Variants in PDE7B observed in about 807,000 individuals in gnomAD.
PDE7B encodes the protein phosphodiesterase 7B, also known as 3',5'-cyclic-AMP phosphodiesterase 7B.
A neutral mutation model predicts 56.2 loss-of-function variants in PDE7B; 29 were observed. That is an observed-to-expected ratio of 0.52 (90% CI 0.38 to 0.70). The LOEUF (loss-of-function observed/expected upper bound fraction) is 0.70, where lower values mean the gene tolerates loss of function less well. PDE7B is among the 30% of genes least tolerant of loss of function. The pLI, the probability that PDE7B is intolerant of heterozygous loss-of-function variation, is 0.00. For missense variants in PDE7B, 490 were observed against 565.0 expected (o/e 0.87, Z 1.35); for synonymous variants, 197 against 196.9 (o/e 1.00, Z 0.00).
intron 2 of PDE7B, among the ~76,000 whole-genome samples, chr6:136,097,444 C>T (rs1478493615): frequency 6.6e-6 from 1 of 151,894 alleles, no homozygotes; most frequent in Non-Finnish European, 1.5e-5. Flanking sequence ...GTTTTACCTC[C>T]TACACATCTC....
chr6:136,038,659 A>C, intron 2 of PDE7B: 1 of 560,876 alleles, frequency 1.8e-6, no homozygotes, highest in Non-Finnish European at 2.7e-6. Context: ...TGACTTCCAA[A>C]TGTCTGCTGT....
intron 2 of PDE7B, among the ~76,000 whole-genome samples, chr6:136,055,885 C>A (rs1281537768): frequency 1.3e-5 from 2 of 152,162 alleles, no homozygotes; most frequent in African/African-American, 2.4e-5. Flanking sequence ...GTACAAAGAA[C>A]AAGCTTCTTT....
intron 1 of PDE7B, among the ~76,000 whole-genome samples, chr6:135,866,783 G>A (rs900786438): frequency 1.3e-5 from 2 of 152,124 alleles, no homozygotes; most frequent in Non-Finnish European, 2.9e-5. Context: ...CATACGTGTC[G>A]TAAACACATA....
At chr6:136,082,502 G>T (rs1380176893) in intron 2 of PDE7B, among the ~76,000 whole-genome samples, 1 of 152,204 alleles carries the variant, frequency 6.6e-6, no homozygotes, top group African/African-American at 2.4e-5. Context: ...AGGCTGTGAT[G>T]TTCAGCTGAG....
chr6:136,083,542 T>C (rs1349188295), intron 2 of PDE7B, among the ~76,000 whole-genome samples: 4 of 152,200 alleles, frequency 2.6e-5, no homozygotes, highest in Admixed American at 6.5e-5. Context: ...TTTTCTCTTT[T>C]CCATATTATT....
intron 8 of PDE7B, among the ~76,000 whole-genome samples, chr6:136,171,019 A>T (rs1289801320): frequency 6.6e-6 from 1 of 152,158 alleles, no homozygotes; most frequent in African/African-American, 2.4e-5. Context: ...CTACTCTTGA[A>T]ACCAAATGGA....
At chr6:136,168,106 C>G (rs975734298) in intron 8 of PDE7B, among the ~76,000 whole-genome samples, 1 of 151,962 alleles carries the variant, frequency 6.6e-6, no homozygotes, top group Non-Finnish European at 1.5e-5. Context: ...TAATAAACCA[C>G]CTTGGAAGGT....
At chr6:135,996,979 A>C (rs993894930) in intron 2 of PDE7B, among the ~76,000 whole-genome samples, 5 of 152,162 alleles carry the variant, frequency 3.3e-5, no homozygotes, top group Admixed American at 1.3e-4. Context: ...GATAAGAAAC[A>C]CTGAGACCAT....
intron 1 of PDE7B, among the ~76,000 whole-genome samples, chr6:135,906,829 T>TTTTTTTTTTTTTTTTTTG (rs1562434158): frequency 7.0e-6 from 1 of 142,604 alleles, no homozygotes; most frequent in African/African-American, 2.8e-5. Flanking sequence ...TTTTTTTTTT[T>TTTTTTTTTTTTTTTTTTG]TTTTTTTAAT....
intron 2 of PDE7B, among the ~76,000 whole-genome samples, chr6:136,053,064 T>A (rs865946478): frequency 2.0e-5 from 3 of 152,200 alleles, no homozygotes; most frequent in African/African-American, 7.2e-5. Flanking sequence ...TCACATTTTT[T>A]TAAAAAAGTT....
intron 1 of PDE7B, among the ~76,000 whole-genome samples, chr6:135,873,935 G>T (rs539234898): frequency 2.6e-5 from 4 of 152,146 alleles, no homozygotes; most frequent in African/African-American, 9.6e-5. Context: ...GTTGTTCTAG[G>T]CACCTGCAGA....
intron 10 of PDE7B, among the ~76,000 whole-genome samples, chr6:136,179,859 T>C (rs1033945303): frequency 4.6e-5 from 7 of 152,226 alleles, no homozygotes; most frequent in Admixed American, 1.3e-4. Context: ...TGAACTGAAT[T>C]GAATTACATT....
At chr6:136,141,521 G>T (rs1446751088) in intron 3 of PDE7B, among the ~76,000 whole-genome samples, 1 of 152,176 alleles carries the variant, frequency 6.6e-6, no homozygotes. Flanking sequence ...CTATTGATTG[G>T]AATAGTTTCA....
intron 1 of PDE7B, among the ~76,000 whole-genome samples, chr6:135,935,497 T>A (rs1177142289): frequency 1.3e-5 from 2 of 152,026 alleles, no homozygotes; most frequent in African/African-American, 4.8e-5. Context: ...TTCAGTGTAT[T>A]TTTGCCCCAG....
intron 1 of PDE7B, among the ~76,000 whole-genome samples, chr6:135,922,666 G>T (rs1774106120): frequency 6.6e-6 from 1 of 152,046 alleles, no homozygotes. Context: ...CTTTACTGAG[G>T]CTGGATATAT....
intron 2 of PDE7B, among the ~76,000 whole-genome samples, chr6:135,962,200 G>A (rs931405482): frequency 2.6e-5 from 4 of 152,116 alleles, no homozygotes; most frequent in Non-Finnish European, 5.9e-5. Context: ...TGGAAAAATC[G>A]ATAGTTTAGT....
intron 2 of PDE7B, among the ~76,000 whole-genome samples, chr6:136,108,448 CATA>C (rs1370834854): frequency 1.6e-4 from 24 of 152,070 alleles, no homozygotes; most frequent in African/African-American, 5.3e-4. Context: ...CCCTGGGAAG[CATA>C]AAAAGACTTT....
At chr6:136,039,013 C>T (rs1776373337) in intron 2 of PDE7B, among the ~76,000 whole-genome samples, 1 of 152,174 alleles carries the variant, frequency 6.6e-6, no homozygotes, top group South Asian at 2.1e-4. Flanking sequence ...CTGAGTTTGG[C>T]ATGCAAGCTT....
chr6:136,173,467 T>C (rs1021184205), intron 8 of PDE7B, among the ~76,000 whole-genome samples: 2 of 152,232 alleles, frequency 1.3e-5, no homozygotes, highest in African/African-American at 4.8e-5. Flanking sequence ...AAGCTGTCAC[T>C]GCTTCACTTT....
Sources: allele counts gnomAD v4.1 joint callset (sites outside exome capture counted in the v4.1 genomes callset), GRCh38; gene constraint gnomAD v4.1.1; transcripts MANE v1.5; gene names NCBI Gene and HGNC (gene_info 2026-07-23, HGNC 2026-07-21).